ARIH1: variants seen among roughly 807,000 people sequenced by gnomAD.
ARIH1 encodes ariadne RBR E3 ubiquitin protein ligase 1, also known as E3 ubiquitin-protein ligase ARIH1.
Under a neutral mutation model 85.0 loss-of-function variants are expected in ARIH1, and 8 were observed. The ratio of observed to expected loss-of-function variants is 0.09; its 90% CI spans 0.06 to 0.17. ARIH1 has a LOEUF of 0.17. Among genes scored for constraint, ARIH1 ranks in the 10% least tolerant of loss-of-function variants. The pLI, the probability that ARIH1 is intolerant of heterozygous loss-of-function variation, is 1.00. For missense variants in ARIH1, 311 were observed against 718.1 expected (o/e 0.43, Z 6.48); for synonymous variants, 238 against 253.6 (o/e 0.94, Z 0.59).
In ARIH1 at chr15:72,587,308, C is replaced by T; in HGVS notation, c.*4016C>T. The T allele has an allele frequency of 2.8e-6, 1 of 358,892 alleles. No individual in the cohort carries two copies. The highest frequency in any genetic ancestry group is 5.7e-6 in the Non-Finnish European group (1 of 175,244). The allele number at this position is 358,892 out of a possible 1,614,324, so 22.2% of individuals were successfully genotyped here. Reference sequence around the variant, plus strand: ...CTGTACCAGGGAAGGTAGTTCTTAACTATATTGTACTTTTAAACCACATTA... The same window carrying T: ...CTGTACCAGGGAAGGTAGTTCTTAATTATATTGTACTTTTAAACCACATTA... On this transcript the variant is annotated 3_prime_UTR_variant, in exon 14 of 14. Transcript: ENST00000379887.
At chr15:72,491,116 C>T (rs974835328) in intron 1 of ARIH1, among the ~76,000 whole-genome samples, 6 of 150,930 alleles carry the variant, frequency 4.0e-5, no homozygotes, top group Non-Finnish European at 5.9e-5. Context: ...ACTCTTGTCT[C>T]GAAAAAAATA....
At chr15:72,517,515 C>T (rs935444415) in intron 1 of ARIH1, among the ~76,000 whole-genome samples, 3 of 151,856 alleles carry the variant, frequency 2.0e-5, no homozygotes, top group African/African-American at 7.3e-5. Context: ...ACCTCCATCT[C>T]CCAGGTTCAG....
At chr15:72,482,846 T>TA (rs2063821831) in intron 1 of ARIH1, among the ~76,000 whole-genome samples, 1 of 150,192 alleles carries the variant, frequency 6.7e-6, no homozygotes, top group Non-Finnish European at 1.5e-5. Flanking sequence ...TCTCTTTTTT[T>TA]TTTTTTTTTT....
At position 72,488,045 on chromosome 15, in the gene ARIH1, T is replaced by C. The variant is rs181088867; in HGVS notation, c.375+13031T>C. Among the ~76,000 whole-genome samples, 742 of 152,214 alleles carry C rather than the reference T, an allele frequency of 4.9e-3. 9 individuals are homozygous for C. Among genetic ancestry groups the C allele is most frequent in the African/African-American group, 0.017 (711 of 41,526 alleles). ...CCTTTTCTTTTCTTTCTGTCTCTCT[T>C]TTTTCTTGAGACAGGGTTTTTGCTC... On this transcript the variant is annotated intron_variant, in intron 1 of 13. Coordinates refer to ENST00000379887, the MANE Select transcript of ARIH1 (RefSeq NM_005744.5).
rs1028759273 is a variant in ARIH1 at position 72,492,797 on chromosome 15, T to C, written c.375+17783T>C. ...TATAATGTTGCATTCCACCCAGCTA[T>C]AAAGCCAAAGTGGTGAAAATAGGAC... On this transcript the variant is annotated intron_variant, in intron 1 of 13. Coordinates refer to ENST00000379887, the MANE Select transcript of ARIH1 (RefSeq NM_005744.5). Among the ~76,000 whole-genome samples the C allele has an allele frequency of 3.9e-5, 6 of 152,174 alleles. No homozygotes were observed. In the East Asian group the frequency reaches 1.2e-3, roughly 29 times the overall value.
In ARIH1 at chr15:72,594,775, G is replaced by A. The variant is rs1440011483; in HGVS notation, c.*11483G>A. 2 of 97,674 alleles carry A rather than the reference G, an allele frequency of 2.0e-5. No individual in the cohort carries two copies. The highest frequency in any genetic ancestry group is 4.6e-5 in the African/African-American group (1 of 21,526). The allele number at this position is 97,674 out of a possible 1,614,324, so 6.1% of individuals were successfully genotyped here. A position where few individuals can be genotyped will look rare whatever the true frequency, so the allele number is the denominator to read the frequency against. ...CACAACAGTGTAGTCTGCAAATAAT[G>A]TTTTTACTTCTTTTTCTGATTTTAT... On this transcript the variant is annotated 3_prime_UTR_variant, in exon 14 of 14. Transcript: ENST00000379887.
chr15:72,506,353 AAAAAAAAAAAAAG>A (rs1392221842), intron 1 of ARIH1, among the ~76,000 whole-genome samples: 2 of 147,910 alleles, frequency 1.4e-5, no homozygotes, highest in East Asian at 2.0e-4. Context: ...CCGTCTCACA[AAAAAAAAAAAAAG>A]AAAAAAAAAA....
intron 1 of ARIH1, among the ~76,000 whole-genome samples, chr15:72,491,277 T>C (rs1452256704): frequency 2.0e-5 from 3 of 152,096 alleles, no homozygotes; most frequent in African/African-American, 4.8e-5. Flanking sequence ...CTTTGTAAGG[T>C]TTTTTTCCTA....
chr15:72,528,383 A>G (rs537140716), intron 2 of ARIH1, among the ~76,000 whole-genome samples: 2 of 152,292 alleles, frequency 1.3e-5, no homozygotes, highest in East Asian at 3.9e-4. Context: ...GGTAGGTACT[A>G]GTGTTAATAC....
At chr15:72,509,602 C>G (rs184498745) in intron 1 of ARIH1, among the ~76,000 whole-genome samples, 13 of 152,004 alleles carry the variant, frequency 8.6e-5, no homozygotes, top group African/African-American at 3.1e-4. Flanking sequence ...TTCACTCATT[C>G]ATTTAAGACA....
At position 72,504,972 on chromosome 15, in the gene ARIH1, A is replaced by C. The variant is rs570781099; in HGVS notation, c.376-13095A>C. Among the ~76,000 whole-genome samples, 20 of 152,350 alleles carry C rather than the reference A, an allele frequency of 1.3e-4. No homozygotes were observed. The East Asian group carries it at 3.7e-3, about 28-fold the overall frequency. ...AAGAAAAACTATACCTGAATTACAC[A>C]TGATAATTTCTTAGAAGGCATTAAG... is the stretch of plus-strand genomic sequence containing the variant. On this transcript the variant is annotated intron_variant, in intron 1 of 13. Transcript: ENST00000379887.
At chr15:72,490,463 C>G (rs1479227618) in intron 1 of ARIH1, among the ~76,000 whole-genome samples, 1 of 151,958 alleles carries the variant, frequency 6.6e-6, no homozygotes, top group Admixed American at 6.6e-5. Flanking sequence ...ATTGTGCATT[C>G]AAGGGATCTA....
chr15:72,488,169 G>A (rs1297519634), intron 1 of ARIH1, among the ~76,000 whole-genome samples: 1 of 152,026 alleles, frequency 6.6e-6, no homozygotes, highest in Non-Finnish European at 1.5e-5. Context: ...CTGAGTAGCT[G>A]GGACTACAGT....
intron 2 of ARIH1, among the ~76,000 whole-genome samples, chr15:72,544,572 ACT>A (rs1555487912): frequency 6.6e-6 from 1 of 151,776 alleles, no homozygotes; most frequent in Non-Finnish European, 1.5e-5. Context: ...ACACACACAC[ACT>A]CATATATATG....
chr15:72,507,592 G>A (rs2063931502), intron 1 of ARIH1, among the ~76,000 whole-genome samples: 1 of 152,092 alleles, frequency 6.6e-6, no homozygotes, highest in Non-Finnish European at 1.5e-5. Context: ...CCTGTGTTTT[G>A]GGAGGCTGAA....
chr15:72,507,139 C>T (rs2063929690), intron 1 of ARIH1, among the ~76,000 whole-genome samples: 1 of 152,154 alleles, frequency 6.6e-6, no homozygotes, highest in African/African-American at 2.4e-5. Context: ...TCTCTTGCCT[C>T]AGCCTCCCAA....
chr15:72,561,681 T>C (rs1453885354), intron 6 of ARIH1, 132 bp downstream of exon 6: 1 of 605,966 alleles, frequency 1.7e-6, no homozygotes, highest in Non-Finnish European at 2.7e-6. Flanking sequence ...AATACCTTTA[T>C]TCTCAAAAGA....
At chr15:72,538,572 A>G (rs1338276869) in intron 2 of ARIH1, among the ~76,000 whole-genome samples, 1 of 152,244 alleles carries the variant, frequency 6.6e-6, no homozygotes, top group African/African-American at 2.4e-5. Flanking sequence ...TCAGGATTCA[A>G]GAAGAAGCAT....
intron 2 of ARIH1, among the ~76,000 whole-genome samples, chr15:72,532,321 A>G (rs2064061253): frequency 6.6e-6 from 1 of 152,138 alleles, no homozygotes; most frequent in South Asian, 2.1e-4. Context: ...ACAACTATTC[A>G]AACTTGATAG....
Sources: gnomAD v4.1 joint callset for allele counts (sites outside exome capture counted in the v4.1 genomes callset) on GRCh38, gnomAD v4.1.1 for gene constraint, MANE v1.5 for transcripts, NCBI Gene and HGNC (gene_info 2026-07-23, HGNC 2026-07-21) for gene names.